The following TMEM37 variants were observed in gnomAD, a reference collection of about 807,000 sequenced individuals.
TMEM37 encodes the protein voltage-dependent calcium channel gamma-like subunit.
TMEM37 carries 12 observed loss-of-function variants against 11.0 expected under a neutral mutation model. The observed-to-expected ratio is 1.09, with a 90% CI of 0.70 to 1.76. The LOEUF (loss-of-function observed/expected upper bound fraction) is 1.76, where lower values mean the gene tolerates loss of function less well. TMEM37 is among the 40% of genes most tolerant of loss of function. TMEM37 has a pLI of 0.00. For missense variants in TMEM37, 203 were observed against 251.2 expected (o/e 0.81, Z 1.30); for synonymous variants, 127 against 110.5 (o/e 1.15, Z -0.94).
chr2:119,436,823 C>A, intron 1 of TMEM37, 66 bp from the exon 2 acceptor site: 2 of 1,357,578 alleles, frequency 1.5e-6, no homozygotes, highest in South Asian at 1.3e-5. Flanking sequence ...GGGGTCTTCC[C>A]TGCAGAGGTT....
intron 1 of TMEM37, 48 bp from the exon 2 acceptor site, chr2:119,436,841 G>T (rs79845793): frequency 1.9e-5 from 28 of 1,477,910 alleles, no homozygotes; most frequent in African/African-American, 2.8e-5. Flanking sequence ...GTTCCTGGGG[G>T]CGTGGCAGGG....
chr2:119,430,731 A>G (rs1279689252), upstream of TMEM37, among the ~76,000 whole-genome samples: 1 of 152,144 alleles, frequency 6.6e-6, no homozygotes, highest in Non-Finnish European at 1.5e-5. Flanking sequence ...TTTTACCACC[A>G]CATTTGAGGA....
chr2:119,437,447 A>T lies in TMEM37; in HGVS notation c.*7A>T, dbSNP rs1177418875. 6 of 1,608,572 alleles carry T rather than the reference A, an allele frequency of 3.7e-6. No individual in the cohort carries two copies. The highest frequency in any genetic ancestry group is 4.2e-6 in the Non-Finnish European group (5 of 1,176,892). ...CACCCATCCCTGGGAATGACCGTGG[A>T]AATTTTAGGCCCCCTCCAGGGACAT... is the stretch of plus-strand genomic sequence containing the variant. On this transcript the variant is annotated 3_prime_UTR_variant, in exon 2 of 2. Coordinates refer to ENST00000306406, the MANE Select transcript of TMEM37 (RefSeq NM_183240.3).
At chr2:119,435,871 G>A (rs1682485578) in intron 1 of TMEM37, among the ~76,000 whole-genome samples, 1 of 152,186 alleles carries the variant, frequency 6.6e-6, no homozygotes, top group African/African-American at 2.4e-5. Context: ...ATGGAGAAGA[G>A]GTGTTGTCCT....
At chr2:119,435,149 T>C (rs1682472932) in intron 1 of TMEM37, among the ~76,000 whole-genome samples, 1 of 152,224 alleles carries the variant, frequency 6.6e-6, no homozygotes, top group Non-Finnish European at 1.5e-5. Context: ...TAAAATAGGA[T>C]CCTACTTAAG....
chr2:119,433,543 A>G (rs1427754560), intron 1 of TMEM37, among the ~76,000 whole-genome samples: 1 of 152,154 alleles, frequency 6.6e-6, no homozygotes, highest in African/African-American at 2.4e-5. Context: ...GCTTTGGTTA[A>G]GGGGAACACA....
chr2:119,431,719 G>A (rs1682397852), upstream of TMEM37: 2 of 443,954 alleles, frequency 4.5e-6, no homozygotes, highest in Non-Finnish European at 3.6e-6. Context: ...CGTAATCCGA[G>A]CCGCGGAGGG....
At chr2:119,430,032 TC>T (rs772817043), upstream of TMEM37, 4 of 1,474,102 alleles carry the variant, frequency 2.7e-6, no homozygotes, top group Non-Finnish European at 3.7e-6. Flanking sequence ...CACAGGGCAT[TC>T]TTAGGGCTCA....
Position 119,437,119 on chromosome 2 carries a change from G to A in TMEM37, c.252G>A (p.Leu84=), listed in dbSNP as rs776251804. 3 of 1,613,838 alleles carry A rather than the reference G, an allele frequency of 1.9e-6. No individual in the cohort carries two copies. The highest frequency in any genetic ancestry group is 1.1e-5 in the South Asian group (1 of 91,068). ...TGGGCCAGGCCCATGTGCCCGGGCT[G>A]GCCGTGGGCATGGGCCTGGTACGCA... ...RDLGQAHVPG[L]AVGMGLVRSV... Residue 84 remains leucine (L), a synonymous_variant, in exon 2 of 2, where the codon CTG becomes CTA. Transcript: ENST00000306406.
Position 119,437,424 on chromosome 2 carries a change from C to T in TMEM37, c.557C>T (p.Thr186Ile). 1 of 1,612,764 alleles carries T rather than the reference C, an allele frequency of 6.2e-7. No individual in the cohort carries two copies. The highest frequency in any genetic ancestry group is 2.2e-5 in the East Asian group (1 of 44,864). Reference protein sequence around the residue: ...AISGLHINSITHPWE With the variant: ...AISGLHINSIIHPWE ...AGCGGCCTTCACATCAACAGCATCA[C>T]CCATCCCTGGGAATGACCGTGGAAA... is the stretch of plus-strand genomic sequence containing the variant. Residue 186 changes from threonine (T) to isoleucine (I), a missense_variant, in exon 2 of 2, where the codon ACC (threonine) becomes ATC (isoleucine). Thr to Ile is a moderately conservative substitution (Grantham distance 89). Transcript: ENST00000306406.
chr2:119,431,782 C>CCAA, upstream of TMEM37: 1 of 782,866 alleles, frequency 1.3e-6, no homozygotes, highest in Non-Finnish European at 1.7e-6. Context: ...TTGAACGCCC[C>CCAA]CTCCCGCCCC....
At chr2:119,435,968 G>A (rs1682487386) in intron 1 of TMEM37, among the ~76,000 whole-genome samples, 1 of 152,216 alleles carries the variant, frequency 6.6e-6, no homozygotes, top group Non-Finnish European at 1.5e-5. Flanking sequence ...TGGGGAGAGG[G>A]GAGTGTGCTG....
rs1382335745 is a variant in TMEM37 at position 119,437,157 on chromosome 2, T to C, written c.290T>C (p.Leu97Ser). 6.2e-7 allele frequency: 1 copy of C among 1,614,126 alleles called. No homozygotes were observed. ...GGCCTGGTACGCAGCGTGGGCGCCT[T>C]GGCCGTGGTGGCCGCCATTTTTGGC... ...GMGLVRSVGA[L>S]AVVAAIFGLE... Residue 97 changes from leucine (L) to serine (S), a missense_variant, in exon 2 of 2, where the codon TTG (leucine) becomes TCG (serine). Physicochemically the swap from Leu to Ser is moderately radical, Grantham distance 145 (BLOSUM62 -2). Transcript: ENST00000306406.
chr2:119,430,242 T>G (rs1256668427), upstream of TMEM37: 2 of 653,592 alleles, frequency 3.1e-6, no homozygotes, highest in African/African-American at 3.6e-5. Flanking sequence ...CTTAGCTCAG[T>G]GGTTCTCAAA....
At chr2:119,430,097 T>G, upstream of TMEM37, 2 of 897,270 alleles carry the variant, frequency 2.2e-6, no homozygotes, top group Non-Finnish European at 3.5e-6. Context: ...GTGGGCTCTT[T>G]ATCCAGAACC....
Position 119,437,166 on chromosome 2 carries a change from T to C in TMEM37, c.299T>C (p.Val100Ala), listed in dbSNP as rs747931583. The C allele has an allele frequency of 5.6e-6, 9 of 1,614,234 alleles. No individual in the cohort carries two copies. In the East Asian group the frequency reaches 1.8e-4, roughly 32 times the overall value. ...CGCAGCGTGGGCGCCTTGGCCGTGG[T>C]GGCCGCCATTTTTGGCCTGGAGTTC... ...LVRSVGALAVVAAIFGLEFLM... is the reference protein window; with the variant it reads ...LVRSVGALAVAAAIFGLEFLM... The change falls in exon 2 of 2, where the codon GTG becomes GCG. Residue 100 changes from valine to alanine, a missense_variant. Physicochemically the swap from Val to Ala is moderately conservative, Grantham distance 64. Transcript: ENST00000306406.
At chr2:119,436,711 A>G (rs1682501984) in intron 1 of TMEM37, among the ~76,000 whole-genome samples, 178 bp from the exon 2 acceptor site, 1 of 152,182 alleles carries the variant, frequency 6.6e-6, no homozygotes, top group African/African-American at 2.4e-5. Flanking sequence ...ACAGGTCTGG[A>G]AGGGAGGAAG....
At position 119,432,251 on chromosome 2, in the gene TMEM37, G is replaced by A. The variant is rs78501833; in HGVS notation, c.21+327G>A. ...CTTTGGTGTCACCAGTGACTTACTGGTCAGTTTACCATAAGGGTCCCCCTT... is the reference window on the plus strand; with the variant it reads ...CTTTGGTGTCACCAGTGACTTACTGATCAGTTTACCATAAGGGTCCCCCTT... On this transcript the variant is annotated intron_variant, in intron 1 of 1. Transcript: ENST00000306406. 640 of 289,154 alleles carry A rather than the reference G, an allele frequency of 2.2e-3. 1 individual carries two copies. Among genetic ancestry groups the A allele is most frequent in the African/African-American group, 0.013 (604 of 45,732 alleles). The allele number at this position is 289,154 out of a possible 1,614,324, so 17.9% of individuals were successfully genotyped here.
chr2:119,433,459 G>C (rs1469537667), intron 1 of TMEM37, among the ~76,000 whole-genome samples: 1 of 152,188 alleles, frequency 6.6e-6, no homozygotes, highest in Non-Finnish European at 1.5e-5. Context: ...GGTGATGAGG[G>C]GGAGCAAATA....
Sources: gnomAD v4.1 joint callset for allele counts (sites outside exome capture counted in the v4.1 genomes callset) on GRCh38, gnomAD v4.1.1 for gene constraint, MANE v1.5 for transcripts, NCBI Gene and HGNC (gene_info 2026-07-23, HGNC 2026-07-21) for gene names.